DCAF8: variants seen among roughly 807,000 people sequenced by gnomAD.
The protein encoded by DCAF8 is DDB1 and CUL4 associated factor 8, also known as DDB1- and CUL4-associated factor 8.
DCAF8 carries 20 observed loss-of-function variants against 68.0 expected under a neutral mutation model. The observed-to-expected ratio is 0.29, with a 90% CI of 0.21 to 0.43. DCAF8 has a LOEUF of 0.43. DCAF8 is among the 20% of genes least tolerant of loss of function. DCAF8 has a pLI of 1.00. For synonymous variants in DCAF8, 230 were observed against 276.9 expected (o/e 0.83, Z 1.68); for missense variants, 460 against 771.0 (o/e 0.60, Z 4.78).
At chr1:160,239,567 C>T in intron 4 of DCAF8, 130 bp downstream of exon 4, 1 of 1,590,168 alleles carries the variant, frequency 6.3e-7, no homozygotes, top group Non-Finnish European at 8.5e-7. Context: ...TTAGGGGAGC[C>T]AAAGTAGGGC....
intron 2 of DCAF8, among the ~76,000 whole-genome samples, chr1:160,253,591 T>C (rs1233915417): frequency 7.5e-6 from 1 of 133,824 alleles, no homozygotes; most frequent in Admixed American, 9.5e-5. Flanking sequence ...AAGGTTGCAG[T>C]GAGCCGAGAT....
chr1:160,251,474 C>A (rs1281415079), intron 2 of DCAF8, among the ~76,000 whole-genome samples: 1 of 152,116 alleles, frequency 6.6e-6, no homozygotes, highest in Non-Finnish European at 1.5e-5. Flanking sequence ...AGTGGTTTTG[C>A]AGATGTTCTT....
At chr1:160,226,551 C>T (rs1655480209) in intron 7 of DCAF8, among the ~76,000 whole-genome samples, 1 of 152,188 alleles carries the variant, frequency 6.6e-6, no homozygotes, top group Non-Finnish European at 1.5e-5. Context: ...ATCTCAGAGC[C>T]AATCTCTTGA....
chr1:160,225,710 C>A (rs1202404151), intron 7 of DCAF8, 47 bp from the exon 8 acceptor site: 4 of 1,481,966 alleles, frequency 2.7e-6, no homozygotes, highest in East Asian at 2.3e-5. Flanking sequence ...CAAACGAAAC[C>A]CTTGAAGAGC....
At chr1:160,240,485 A>G (rs912714876) in intron 3 of DCAF8, 115 bp from the exon 4 acceptor site, 2 of 982,778 alleles carry the variant, frequency 2.0e-6, no homozygotes, top group African/African-American at 1.6e-5. Flanking sequence ...CTTTGGTCCA[A>G]GTGTTTTCAT....
chr1:160,230,750 CTTCTT>C (rs1202013053), intron 7 of DCAF8, among the ~76,000 whole-genome samples: 12 of 152,098 alleles, frequency 7.9e-5, no homozygotes, highest in Admixed American at 1.3e-4. Context: ...ATTCATCTAA[CTTCTT>C]TTCTTTTCTT....
At chr1:160,217,768 G>T in intron 13 of DCAF8, 60 bp from the exon 14 acceptor site, 1 of 1,369,814 alleles carries the variant, frequency 7.3e-7, no homozygotes, top group Non-Finnish European at 1.0e-6. Flanking sequence ...AAGCCTGTTA[G>T]GTCTTAGCCA....
intron 2 of DCAF8, among the ~76,000 whole-genome samples, chr1:160,249,306 T>G (rs1408721218): frequency 6.6e-6 from 1 of 152,234 alleles, no homozygotes; most frequent in Non-Finnish European, 1.5e-5. Flanking sequence ...AACACTTATT[T>G]GAATGGTCAA....
At position 160,240,239 on chromosome 1, in the gene DCAF8, T is replaced by G. The variant is rs1228735064; in HGVS notation, c.181A>C (p.Ser61Arg). 6.2e-7 allele frequency: 1 copy of G among 1,614,060 alleles called. No homozygotes were observed. The highest frequency in any genetic ancestry group is 8.5e-7 in the Non-Finnish European group (1 of 1,180,042). ...GTGTCTGTGCCTCGACTTTCTGTGC[T>G]GGTGCGGTTGGGGCCACCATCATCC... ...TGDDGGPNRT[S>R]TESRGTDTES... The change falls in exon 4 of 14, where the codon AGC becomes CGC. Residue 61 changes from serine (S) to arginine (R), a missense_variant. This residue lies in a region of DCAF8 where 156 missense variants were observed against 181.4 expected (regional missense o/e 0.86). Coordinates refer to ENST00000368074, the MANE Select transcript of DCAF8 (RefSeq NM_015726.4).
At position 160,244,183 on chromosome 1, in the gene DCAF8, T is replaced by C. The variant is rs866090828; in HGVS notation, c.-26-149A>G. The C allele has an allele frequency of 8.2e-6, 5 of 609,436 alleles. No homozygotes were observed. In the Middle Eastern group the frequency reaches 1.3e-3, roughly 162 times the overall value. 37.8% of individuals were successfully genotyped at this position (609,436 alleles called of 1,614,324 possible). On this transcript the variant is annotated intron_variant, in intron 2 of 13. Transcript: ENST00000368074. ...ATGCTTAACAGGTCTTCTCAGCTTG[T>C]GAAATTTTTTCTTCCTTATGTTTTC...
intron 6 of DCAF8, among the ~76,000 whole-genome samples, chr1:160,236,229 T>C (rs376694435): frequency 1.3e-5 from 2 of 151,892 alleles, no homozygotes; most frequent in South Asian, 4.1e-4. Context: ...ATTTCAGCCA[T>C]GGTGTTAAAC....
In DCAF8 at chr1:160,238,717, T is replaced by A; in HGVS notation, c.754A>T (p.Thr252Ser). 6.2e-7 allele frequency: 1 copy of A among 1,612,420 alleles called. No individual in the cohort carries two copies. Reference sequence around the variant, plus strand: ...CCGTCACGGGCACACATGGCCAGAGTAGAATCACCACTGTTAGGAAGAAAC... The same window carrying A: ...CCGTCACGGGCACACATGGCCAGAGAAGAATCACCACTGTTAGGAAGAAAC... ...AKFLPNSGDS[T>S]LAMCARDGQV... is the part of the protein sequence containing the mutation. The change falls in exon 5 of 14, where the codon ACT becomes TCT. Residue 252 changes from threonine to serine, a missense_variant. This residue lies in a region of DCAF8 where 170 missense variants were observed against 318.2 expected (regional missense o/e 0.53). Coordinates refer to ENST00000368074, the MANE Select transcript of DCAF8 (RefSeq NM_015726.4).
chr1:160,240,137 C>T lies in DCAF8; in HGVS notation c.283G>A (p.Val95Ile), dbSNP rs772868623. ...TCCTCTTCCTCTGAGCGGTCATGGACTCGATTTTCATCATTAATGGAGTAA... is the reference window on the plus strand; with the variant it reads ...TCCTCTTCCTCTGAGCGGTCATGGATTCGATTTTCATCATTAATGGAGTAA... ...GHYSINDENR[V>I]HDRSEEEEEE... The change falls in exon 4 of 14, where the codon GTC (valine) becomes ATC (isoleucine). Residue 95 changes from valine (V) to isoleucine (I), a missense_variant. Around this residue, in one of 8 missense-constraint regions of DCAF8, gnomAD observed 156 missense variants for 181.4 expected, o/e 0.86. Transcript: ENST00000368074. 2.5e-6 allele frequency: 4 copies of T among 1,613,958 alleles called. No homozygotes were observed. Among genetic ancestry groups the T allele is most frequent in the East Asian group, 2.2e-5 (1 of 44,890 alleles).
At chr1:160,262,334 C>T in intron 1 of DCAF8, 115 bp downstream of exon 1, 2 of 399,396 alleles carry the variant, frequency 5.0e-6, no homozygotes, top group Non-Finnish European at 8.8e-6. Flanking sequence ...CGGGAATCGG[C>T]GAGGCTCAGC....
At chr1:160,223,077 T>A (rs1475225106) in intron 10 of DCAF8, among the ~76,000 whole-genome samples, 1 of 152,210 alleles carries the variant, frequency 6.6e-6, no homozygotes. Context: ...CCCTGAATCA[T>A]CCCAGCTCTG....
In DCAF8 at chr1:160,240,102, T is replaced by C. The variant is rs1656050316; in HGVS notation, c.318A>G (p.Glu106=). The change falls in exon 4 of 14, where the codon GAA becomes GAG. Residue 106 remains glutamate, a synonymous_variant. Coordinates refer to ENST00000368074, the MANE Select transcript of DCAF8 (RefSeq NM_015726.4). ...GAGGCTGCTCTTCTTCCTCCTCTTC[T>C]TCCTCCTCTTCCTCTTCCTCTGAGC... ...HDRSEEEEEE[E]EEEEEEQPRR... is the part of the protein sequence containing the mutation. 3 of 1,581,998 alleles carry C rather than the reference T, an allele frequency of 1.9e-6. No homozygotes were observed. Among genetic ancestry groups the C allele is most frequent in the Non-Finnish European group, 2.6e-6 (3 of 1,150,934 alleles).
intron 2 of DCAF8, among the ~76,000 whole-genome samples, chr1:160,250,382 C>A (rs182600170): frequency 2.7e-5 from 4 of 150,760 alleles, no homozygotes; most frequent in Admixed American, 2.7e-4. Context: ...AGGAGAATTG[C>A]CTGAACCTGG....
At chr1:160,228,756 G>GT (rs1163974271) in intron 7 of DCAF8, among the ~76,000 whole-genome samples, 1 of 152,136 alleles carries the variant, frequency 6.6e-6, no homozygotes, top group East Asian at 1.9e-4. Flanking sequence ...TTCCCTTGAA[G>GT]TAATTCCTTT....
intron 12 of DCAF8, 144 bp downstream of exon 12, chr1:160,218,705 A>G (rs1372273632): frequency 7.8e-7 from 1 of 1,275,264 alleles, no homozygotes; most frequent in South Asian, 1.4e-5. Context: ...CTATTCCTAC[A>G]GAGGAAATTA....
Sources: gnomAD v4.1 joint callset for allele counts (sites outside exome capture counted in the v4.1 genomes callset) on GRCh38, gnomAD v4.1.1 for gene constraint, gnomAD v4.1.1 regional missense constraint, MANE v1.5 for transcripts, NCBI Gene and HGNC (gene_info 2026-07-23, HGNC 2026-07-21) for gene names.